ABLIM2: variants seen among roughly 807,000 people sequenced by gnomAD.
ABLIM2 encodes actin binding LIM protein family member 2, also known as actin-binding LIM protein 2.
A neutral mutation model predicts 97.7 loss-of-function variants in ABLIM2; 53 were observed. That is an observed-to-expected ratio of 0.54 (90% CI 0.44 to 0.68). The LOEUF (loss-of-function observed/expected upper bound fraction) is 0.68. Among genes scored for constraint, ABLIM2 ranks in the 30% least tolerant of loss-of-function variants. ABLIM2 has a pLI of 0.00. For synonymous variants in ABLIM2, 361 were observed against 345.8 expected (o/e 1.04, Z -0.49); for missense variants, 835 against 867.2 (o/e 0.96, Z 0.47).
At chr4:8,141,124 C>T (rs1464475409) in intron 1 of ABLIM2, among the ~76,000 whole-genome samples, 1 of 152,122 alleles carries the variant, frequency 6.6e-6, no homozygotes, top group Non-Finnish European at 1.5e-5. Flanking sequence ...GGACTGGGAA[C>T]AGACAGCCCT....
intron 1 of ABLIM2, among the ~76,000 whole-genome samples, chr4:8,114,952 C>A (rs949754191): frequency 6.6e-6 from 1 of 152,124 alleles, no homozygotes. Flanking sequence ...CTGCGGGGCG[C>A]CCTGGAACGC....
intron 1 of ABLIM2, among the ~76,000 whole-genome samples, chr4:8,151,630 G>C (rs1034833273): frequency 3.9e-5 from 6 of 152,220 alleles, no homozygotes; most frequent in African/African-American, 1.2e-4. Context: ...ACAGTGGGCG[G>C]GGTGGGGCGG....
rs972325346 is a variant in ABLIM2, at chr4:8,003,804, A to G, written c.1618+4255T>C. ...GGTCTCGAACTCCTGACCTCAGGTG[A>G]TCTGCCCGCCTCGGCCTCCCAAAGT... On this transcript the variant is annotated intron_variant, in intron 16 of 20. Transcript: ENST00000447017. This position sits in a 1 kb window ranked among gnomAD's most constrained non-coding sequence, Gnocchi z 4.2. Among the ~76,000 whole-genome samples the G allele has an allele frequency of 6.6e-6, 1 of 151,892 alleles. No homozygotes were observed. The highest frequency in any genetic ancestry group is 2.4e-5 in the African/African-American group (1 of 41,368).
At position 8,098,524 on chromosome 4, in the gene ABLIM2, A is replaced by C. The variant is rs570846895; in HGVS notation, c.155-1242T>G. On this transcript the variant is annotated intron_variant, in intron 2 of 20. Transcript: ENST00000447017. Reference sequence around the variant, plus strand: ...CTCTGGGAACAAACTGGCTGGAAGCACCAGAGTGGCTGGAACGCCTACATT... The same window carrying C: ...CTCTGGGAACAAACTGGCTGGAAGCCCCAGAGTGGCTGGAACGCCTACATT... Among the ~76,000 whole-genome samples, 247 of 152,340 alleles carry C rather than the reference A, an allele frequency of 1.6e-3. 5 individuals carry two copies. Among genetic ancestry groups the C allele is most frequent in the Non-Finnish European group, 1.9e-3 (126 of 68,032 alleles).
At position 8,112,416 on chromosome 4, in the gene ABLIM2, T is replaced by C. The variant is rs746848265; in HGVS notation, c.11-5779A>G. Among the ~76,000 whole-genome samples, 10 of 152,206 alleles carry C rather than the reference T, an allele frequency of 6.6e-5. No individual in the cohort carries two copies. Among genetic ancestry groups the C allele is most frequent in the African/African-American group, 1.2e-4 (5 of 41,444 alleles). ...CTTAGGAGGATGTTTTAAATGTCCATTGAAGTAGAGAAAGCTCCACGTGCA... is the reference window on the plus strand; with the variant it reads ...CTTAGGAGGATGTTTTAAATGTCCACTGAAGTAGAGAAAGCTCCACGTGCA... On this transcript the variant is annotated intron_variant, in intron 1 of 20. Coordinates refer to ENST00000447017, the MANE Select transcript of ABLIM2 (RefSeq NM_001130083.2). This position sits in a 1 kb window ranked among gnomAD's most constrained non-coding sequence, Gnocchi z 4.2.
In ABLIM2 at chr4:8,061,267, G is replaced by C. The variant is rs1168266011; in HGVS notation, c.676-213C>G. Among the ~76,000 whole-genome samples the C allele has an allele frequency of 6.6e-6, 1 of 152,144 alleles. No individual in the cohort carries two copies. The highest frequency in any genetic ancestry group is 2.1e-4 in the South Asian group (1 of 4,820). On this transcript the variant is annotated intron_variant, in intron 6 of 20. Coordinates refer to ENST00000447017, the MANE Select transcript of ABLIM2 (RefSeq NM_001130083.2). This position sits in a 1 kb window ranked among gnomAD's most constrained non-coding sequence, Gnocchi z 4.5. ...CAAGGCGCCCTGTGGGGAGGCAGGG[G>C]GAGACCTGGCTGCACTTGCCCAGCC...
intron 10 of ABLIM2, among the ~76,000 whole-genome samples, chr4:8,035,197 T>G (rs1380562350): frequency 6.6e-6 from 1 of 151,982 alleles, no homozygotes; most frequent in Non-Finnish European, 1.5e-5. Context: ...CATCCTCAAA[T>G]TCTGTGATCC....
rs547450440 is a variant in ABLIM2 at position 8,132,069 on chromosome 4, C to T, written c.11-25432G>A. Among the ~76,000 whole-genome samples, 8 of 152,262 alleles carry T rather than the reference C, an allele frequency of 5.3e-5. No individual in the cohort carries two copies. In the South Asian group the frequency reaches 8.3e-4, roughly 16 times the overall value. ...AGCTGTGCCGGCCGAGCTCAGGCCT[C>T]GGGGTGCCTGGACATCCCTCCGTGG... On this transcript the variant is annotated intron_variant, in intron 1 of 20. Transcript: ENST00000447017. The surrounding 1 kb of genome is among the most constrained non-coding windows in gnomAD (Gnocchi z 8.0).
chr4:8,144,948 G>A (rs979874211), intron 1 of ABLIM2, among the ~76,000 whole-genome samples: 1 of 152,240 alleles, frequency 6.6e-6, no homozygotes, highest in Non-Finnish European at 1.5e-5. Flanking sequence ...ACGCTCTGGG[G>A]AGGCGGCAGC....
At chr4:8,145,279 A>G (rs1404686699) in intron 1 of ABLIM2, among the ~76,000 whole-genome samples, 1 of 151,438 alleles carries the variant, frequency 6.6e-6, no homozygotes, top group Admixed American at 6.6e-5. Context: ...CGCCTCCCAG[A>G]TTCAAGCAAT....
chr4:8,146,717 G>A lies in ABLIM2; in HGVS notation c.10+11963C>T, dbSNP rs532850056. On this transcript the variant is annotated intron_variant, in intron 1 of 20. Coordinates refer to ENST00000447017, the MANE Select transcript of ABLIM2 (RefSeq NM_001130083.2). Reference sequence around the variant, plus strand: ...GCTAATTTTTTTATTTTTTGTAGAGGCGGGATCTCACTATGTTGCCCAGGC... The same window carrying A: ...GCTAATTTTTTTATTTTTTGTAGAGACGGGATCTCACTATGTTGCCCAGGC... Among the ~76,000 whole-genome samples the A allele has an allele frequency of 7.2e-5, 11 of 152,112 alleles. No individual in the cohort carries two copies. The South Asian group carries it at 2.1e-3, about 29-fold the overall frequency.
chr4:8,158,236 C>A (rs963286149), intron 1 of ABLIM2, among the ~76,000 whole-genome samples: 3 of 152,216 alleles, frequency 2.0e-5, no homozygotes, highest in Non-Finnish European at 4.4e-5. Flanking sequence ...CCAGGCGCTG[C>A]CAGAGCGGCG....
rs1162300742 is a variant in ABLIM2, at chr4:8,148,045, C to G, written c.10+10635G>C. Among the ~76,000 whole-genome samples the G allele has an allele frequency of 6.6e-6, 1 of 152,250 alleles. No homozygotes were observed. The highest frequency in any genetic ancestry group is 1.5e-5 in the Non-Finnish European group (1 of 68,044). On this transcript the variant is annotated intron_variant, in intron 1 of 20. Transcript: ENST00000447017. This position sits in a 1 kb window ranked among gnomAD's most constrained non-coding sequence, Gnocchi z 6.7. ...CAAACTCTGGTGTGGTTCCCTGAGG[C>G]CCAGGTGGGCAGGCAACAAGGGATA...
chr4:8,013,097 C>T (rs1766174114), intron 14 of ABLIM2, among the ~76,000 whole-genome samples: 1 of 152,042 alleles, frequency 6.6e-6, no homozygotes, highest in South Asian at 2.1e-4. Flanking sequence ...ATAACAAGAA[C>T]TTTGATGGGA....
In ABLIM2 at chr4:7,992,391, T is replaced by C. The variant is rs1212513932; in HGVS notation, c.1680+475A>G. Among the ~76,000 whole-genome samples the C allele has an allele frequency of 6.6e-6, 1 of 152,142 alleles. No individual in the cohort carries two copies. The highest frequency in any genetic ancestry group is 2.4e-5 in the African/African-American group (1 of 41,440). On this transcript the variant is annotated intron_variant, in intron 17 of 20. Coordinates refer to ENST00000447017, the MANE Select transcript of ABLIM2 (RefSeq NM_001130083.2). The surrounding 1 kb of genome is among the most constrained non-coding windows in gnomAD (Gnocchi z 5.7). ...CTCCGTGCAGCCTCAAGTAACAGCCTTGGACGCTAAGGATTATTTGGTGTC... is the reference window on the plus strand; with the variant it reads ...CTCCGTGCAGCCTCAAGTAACAGCCCTGGACGCTAAGGATTATTTGGTGTC...
chr4:7,989,602 T>A (rs2149849730), intron 17 of ABLIM2, among the ~76,000 whole-genome samples: 1 of 152,388 alleles, frequency 6.6e-6, no homozygotes, highest in South Asian at 2.1e-4. Flanking sequence ...ATTACTATTG[T>A]CACTCTTGCT....
In ABLIM2 at chr4:8,153,334, C is replaced by A. The variant is rs561463814; in HGVS notation, c.10+5346G>T. 7.2e-5 allele frequency among the ~76,000 whole-genome samples: 11 copies of A among 152,304 alleles called. No individual in the cohort carries two copies. The East Asian group carries it at 2.1e-3, about 29-fold the overall frequency. On this transcript the variant is annotated intron_variant, in intron 1 of 20. Coordinates refer to ENST00000447017, the MANE Select transcript of ABLIM2 (RefSeq NM_001130083.2). ...TTGATTCTACAAAATATCCTATCTA[C>A]CCCCAAACCATCTCATTGACAGAAA...
rs2151134229 is a variant in ABLIM2, at chr4:8,027,780, G to C, written c.1246C>G (p.His416Asp). Residue 416 changes from histidine (H) to aspartate (D), a missense_variant, in exon 12 of 21, where the codon CAT (histidine) becomes GAT (aspartate). His to Asp is a moderately conservative substitution (Grantham distance 81). Transcript: ENST00000447017. ...HPSPTSVFRHHYIPYFRGSES... is the reference protein window; with the variant it reads ...HPSPTSVFRHDYIPYFRGSES... ...TTACCTCGGAAGTAGGGGATGTAAT[G>C]ATGTCTGAACACGGATGTAGGGCTT... 5.0e-6 allele frequency: 8 copies of C among 1,595,582 alleles called. No individual in the cohort carries two copies. Among genetic ancestry groups the C allele is most frequent in the African/African-American group, 1.4e-5 (1 of 74,072 alleles).
chr4:8,108,177 G>A (rs1689095457), intron 1 of ABLIM2, among the ~76,000 whole-genome samples: 1 of 152,236 alleles, frequency 6.6e-6, no homozygotes, highest in Admixed American at 6.5e-5. Context: ...TGTCAGATAG[G>A]TGGGGGACGC....
Sources: allele counts gnomAD v4.1 joint callset (sites outside exome capture counted in the v4.1 genomes callset), GRCh38; gene constraint gnomAD v4.1.1; non-coding constraint Gnocchi (gnomAD v3.1); transcripts MANE v1.5; gene names NCBI Gene and HGNC (gene_info 2026-07-23, HGNC 2026-07-21).